Variants in UNC5D observed in about 807,000 individuals in gnomAD.
UNC5D encodes netrin receptor UNC5D.
In UNC5D, 39 loss-of-function variants were observed where a neutral mutation model predicts 105.4. The observed-to-expected ratio is 0.37, with a 90% confidence interval of 0.29 to 0.48. The LOEUF is 0.48. Among genes scored for constraint, UNC5D ranks in the 20% least tolerant of loss-of-function variants. The pLI, the probability that UNC5D is intolerant of heterozygous loss-of-function variation, is 0.98. For missense variants in UNC5D, 991 were observed against 1,202.4 expected, an observed-to-expected ratio of 0.82 and a Z score of 2.60; for synonymous variants, 452 against 450.4, an observed-to-expected ratio of 1.00 and a Z score of -0.04.
rs56157732 is a variant in UNC5D at position 35,413,292 on chromosome 8, T to TGTGTGTGTGTGGTG, written c.104-136000_104-135999insGTGTGTGTGTGGTG. ...GTGTGTGTGTGTGTGTGTGTGTGTG[T>TGTGTGTGTGTGGTG]TGTGTGTGTGTGTGTGTTTTCTCTC... On this transcript the variant is annotated intron_variant, in intron 1 of 16. Transcript: ENST00000404895. Among the ~76,000 whole-genome samples, 4 of 128,044 alleles carry TGTGTGTGTGTGGTG rather than the reference T, an allele frequency of 3.1e-5. No individual in the cohort carries two copies. In the Admixed American group the frequency reaches 3.2e-4, roughly 10 times the overall value. 84.0% of individuals were successfully genotyped at this position (128,044 alleles called of 152,430 possible).
chr8:35,635,631 A>G (rs1259110016), intron 4 of UNC5D, among the ~76,000 whole-genome samples: 3 of 152,208 alleles, frequency 2.0e-5, no homozygotes, highest in African/African-American at 7.2e-5. Context: ...TGCCATAAAT[A>G]GCACATGCTG....
intron 7 of UNC5D, among the ~76,000 whole-genome samples, chr8:35,703,463 G>A (rs757900479): frequency 6.6e-6 from 1 of 152,174 alleles, no homozygotes; most frequent in Non-Finnish European, 1.5e-5. Context: ...CAATAAAAGT[G>A]GCTCCAAAGC....
intron 1 of UNC5D, among the ~76,000 whole-genome samples, chr8:35,243,855 C>T (rs544447693): frequency 9.9e-5 from 15 of 152,152 alleles, no homozygotes; most frequent in East Asian, 1.9e-4. Context: ...GTGTGTTACT[C>T]GAACTTTATT....
intron 1 of UNC5D, among the ~76,000 whole-genome samples, chr8:35,346,884 G>A (rs749401273): frequency 2.6e-5 from 4 of 151,846 alleles, no homozygotes; most frequent in African/African-American, 4.8e-5. Flanking sequence ...TCAGATGTTG[G>A]CATTCACGTA....
chr8:35,737,981 C>T (rs1415768260), intron 11 of UNC5D, among the ~76,000 whole-genome samples: 1 of 152,090 alleles, frequency 6.6e-6, no homozygotes, highest in Non-Finnish European at 1.5e-5. Flanking sequence ...TGGTGTGTGC[C>T]TGTAATCCCA....
intron 1 of UNC5D, chr8:35,255,094 C>G (rs538725468): frequency 3.3e-5 from 5 of 152,192 alleles, no homozygotes; most frequent in Non-Finnish European, 7.3e-5. Context: ...CCCTGTTGAT[C>G]TGCAGGTCTC....
At chr8:35,400,401 T>C (rs984549687) in intron 1 of UNC5D, among the ~76,000 whole-genome samples, 4 of 152,298 alleles carry the variant, frequency 2.6e-5, no homozygotes, top group South Asian at 2.1e-4. Flanking sequence ...TATTTTCCCA[T>C]TGGGCTTAAC....
intron 16 of UNC5D, among the ~76,000 whole-genome samples, chr8:35,785,853 T>C (rs1177069931): frequency 6.6e-6 from 1 of 152,138 alleles, no homozygotes; most frequent in African/African-American, 2.4e-5. Flanking sequence ...ATTTATCTCC[T>C]AGTACACAAG....
intron 1 of UNC5D, among the ~76,000 whole-genome samples, chr8:35,273,773 C>T (rs1457889831): frequency 6.6e-6 from 1 of 152,108 alleles, no homozygotes; most frequent in Admixed American, 6.5e-5. Flanking sequence ...TGCATAAAAT[C>T]GGTTGCTTTT....
At chr8:35,494,361 A>ATTAT (rs1811409885) in intron 1 of UNC5D, among the ~76,000 whole-genome samples, 1 of 152,170 alleles carries the variant, frequency 6.6e-6, no homozygotes, top group Admixed American at 6.5e-5. Context: ...ATTATAATGA[A>ATTAT]ATTTTATTTA....
At chr8:35,501,354 G>C (rs1811961647) in intron 1 of UNC5D, among the ~76,000 whole-genome samples, 1 of 152,178 alleles carries the variant, frequency 6.6e-6, no homozygotes, top group East Asian at 1.9e-4. Flanking sequence ...TTGTACTGAT[G>C]GTGGCTTTCC....
chr8:35,701,706 A>G (rs1023604276), intron 7 of UNC5D, among the ~76,000 whole-genome samples: 3 of 152,128 alleles, frequency 2.0e-5, no homozygotes. Context: ...TGACAAAAGC[A>G]GATTGCAGAA....
chr8:35,450,967 C>T (rs555679504), intron 1 of UNC5D, among the ~76,000 whole-genome samples: 22 of 151,304 alleles, frequency 1.5e-4, no homozygotes, highest in East Asian at 1.2e-3. Flanking sequence ...TTTCAACTTA[C>T]GATATTTTTG....
rs1827905759 is a variant in UNC5D, at chr8:35,710,952, T to TGTTTTGTTTTGTTTTG, written c.1117+4991_1117+4992insGTTTTGTTTTGTTTTG. ...CATTATTCTTTTTTTTTTTTTTTTTTTTTTGAGACGGAGTCTCGCTCTGTC... is the reference window on the plus strand; with the variant it reads ...CATTATTCTTTTTTTTTTTTTTTTTTGTTTTGTTTTGTTTTGTTTTGAGACGGAGTCTCGCTCTGTC... On this transcript the variant is annotated intron_variant, in intron 8 of 16. Transcript: ENST00000404895. Among the ~76,000 whole-genome samples the TGTTTTGTTTTGTTTTG allele has an allele frequency of 1.3e-3, 176 of 134,488 alleles. 3 individuals carry two copies. Among genetic ancestry groups the TGTTTTGTTTTGTTTTG allele is most frequent in the African/African-American group, 4.6e-3 (137 of 29,770 alleles). The allele number at this position is 134,488 out of a possible 152,430, so 88.2% of individuals were successfully genotyped here. A position where few individuals can be genotyped will look rare whatever the true frequency, so the allele number is the denominator to read the frequency against.
chr8:35,308,618 G>A (rs1349553341), intron 1 of UNC5D, among the ~76,000 whole-genome samples: 1 of 152,084 alleles, frequency 6.6e-6, no homozygotes, highest in Non-Finnish European at 1.5e-5. Context: ...ACCAAAGCTC[G>A]ATCAATATTT....
chr8:35,440,142 T>C (rs1807303862), intron 1 of UNC5D, among the ~76,000 whole-genome samples: 1 of 152,024 alleles, frequency 6.6e-6, no homozygotes, highest in South Asian at 2.1e-4. Flanking sequence ...GCAATAGGCC[T>C]CTGGGGGCTC....
At chr8:35,281,870 TA>T (rs1397974472) in intron 1 of UNC5D, among the ~76,000 whole-genome samples, 1 of 152,218 alleles carries the variant, frequency 6.6e-6, no homozygotes, top group African/African-American at 2.4e-5. Context: ...TGATGTAGCC[TA>T]AATCTAGATA....
intron 1 of UNC5D, among the ~76,000 whole-genome samples, chr8:35,334,522 T>A (rs527679947): frequency 4.5e-4 from 69 of 151,762 alleles, no homozygotes; most frequent in Admixed American, 1.6e-3. Context: ...TTATTTATTT[T>A]TTTTTTTGAG....
chr8:35,419,003 T>C (rs142487287), intron 1 of UNC5D, among the ~76,000 whole-genome samples: 54 of 152,272 alleles, frequency 3.5e-4, no homozygotes, highest in African/African-American at 1.3e-3. Flanking sequence ...AACAAACTGT[T>C]AAGGTGCAAT....
Sources: allele counts gnomAD v4.1 joint callset (sites outside exome capture counted in the v4.1 genomes callset), GRCh38; gene constraint gnomAD v4.1.1; transcripts MANE v1.5; gene names NCBI Gene and HGNC (gene_info 2026-07-23, HGNC 2026-07-21).